Variants in OPCML observed in about 807,000 individuals in gnomAD.
OPCML encodes opioid binding protein/cell adhesion molecule like, also known as opioid-binding protein/cell adhesion molecule.
Under a neutral mutation model 37.8 loss-of-function variants are expected in OPCML, and 13 were observed. The ratio of observed to expected loss-of-function variants is 0.34; its 90% CI spans 0.22 to 0.55. The LOEUF (loss-of-function observed/expected upper bound fraction) is 0.55. Among genes scored for constraint, OPCML ranks in the 20% least tolerant of loss-of-function variants. The pLI, the probability that OPCML is intolerant of heterozygous loss-of-function variation, is 0.91. For missense variants in OPCML, 341 were observed against 435.6 expected, an observed-to-expected ratio of 0.78 and a Z score of 1.93; for synonymous variants, 176 against 168.8, an observed-to-expected ratio of 1.04 and a Z score of -0.33.
intron 1 of OPCML, among the ~76,000 whole-genome samples, chr11:133,303,784 CA>C (rs79299582): frequency 2.0e-5 from 3 of 149,318 alleles, no homozygotes; most frequent in South Asian, 2.1e-4. Context: ...TTTGTAGAAA[CA>C]AAAAAAAAGG....
At chr11:132,806,329 A>G (rs896643122) in intron 2 of OPCML, among the ~76,000 whole-genome samples, 8 of 152,158 alleles carry the variant, frequency 5.3e-5, no homozygotes, top group Admixed American at 6.5e-5. Context: ...AACAGACTGG[A>G]TAGAAAAACA....
chr11:132,748,116 A>G (rs1945702307), intron 2 of OPCML, among the ~76,000 whole-genome samples: 1 of 148,888 alleles, frequency 6.7e-6, no homozygotes, highest in Non-Finnish European at 1.5e-5. Context: ...TGAGCCTGAG[A>G]TTATTCAATA....
chr11:132,763,308 C>A (rs1487222958), intron 2 of OPCML, among the ~76,000 whole-genome samples: 1 of 151,622 alleles, frequency 6.6e-6, no homozygotes. Flanking sequence ...TTGATTAAGT[C>A]ATTTAATCTA....
intron 1 of OPCML, among the ~76,000 whole-genome samples, chr11:133,000,146 T>A (rs574190942): frequency 1.3e-5 from 2 of 152,258 alleles, no homozygotes; most frequent in South Asian, 4.1e-4. Flanking sequence ...AACCTCTGCC[T>A]CCCAGGTTCA....
chr11:132,940,428 C>T (rs1234825792), intron 2 of OPCML, among the ~76,000 whole-genome samples: 1 of 152,212 alleles, frequency 6.6e-6, no homozygotes, highest in Non-Finnish European at 1.5e-5. Context: ...GCTTGGAACA[C>T]TCAGTTCCCA....
chr11:132,663,752 C>G lies in OPCML; in HGVS notation c.147-6433G>C, dbSNP rs117573869. 5.2e-3 allele frequency among the ~76,000 whole-genome samples: 790 copies of G among 152,348 alleles called. 4 individuals are homozygous for G. The highest frequency in any genetic ancestry group is 8.2e-3 in the Non-Finnish European group (560 of 68,034). On this transcript the variant is annotated intron_variant, in intron 2 of 7. Coordinates refer to ENST00000524381, the MANE Select transcript of OPCML (RefSeq NM_001012393.5). ...GTTATCACAGGATGAGCGTGGAACC[C>G]AGAAGGGCAGGCCTTACAGCAGTCA... is the stretch of plus-strand genomic sequence containing the variant.
chr11:132,630,132 G>A (rs1591645273), intron 3 of OPCML, among the ~76,000 whole-genome samples: 3 of 152,298 alleles, frequency 2.0e-5, no homozygotes, highest in African/African-American at 4.8e-5. Flanking sequence ...CCTTTAAAAT[G>A]TTCTTATCCC....
chr11:132,765,676 G>A (rs1236533019), intron 2 of OPCML, among the ~76,000 whole-genome samples: 2 of 152,180 alleles, frequency 1.3e-5, no homozygotes, highest in African/African-American at 2.4e-5. Flanking sequence ...AGGAATATGA[G>A]TGTGATGGTG....
chr11:133,198,432 G>C (rs531427871), intron 1 of OPCML, among the ~76,000 whole-genome samples: 1 of 152,366 alleles, frequency 6.6e-6, no homozygotes, highest in African/African-American at 2.4e-5. Flanking sequence ...AAATGGCTCT[G>C]CTCTGCTCTA....
intron 2 of OPCML, among the ~76,000 whole-genome samples, chr11:132,792,892 C>T (rs1207590201): frequency 1.3e-5 from 2 of 152,202 alleles, no homozygotes; most frequent in Non-Finnish European, 2.9e-5. Context: ...CTGTCTAATC[C>T]CTACCTGATA....
intron 2 of OPCML, among the ~76,000 whole-genome samples, chr11:132,836,561 T>A (rs1056924905): frequency 2.6e-5 from 4 of 152,224 alleles, no homozygotes; most frequent in Non-Finnish European, 5.9e-5. Flanking sequence ...TTTAACCTCA[T>A]TGGATTATGA....
At chr11:133,405,941 C>G (rs1248904259) in intron 1 of OPCML, among the ~76,000 whole-genome samples, 1 of 152,074 alleles carries the variant, frequency 6.6e-6, no homozygotes, top group Non-Finnish European at 1.5e-5. Context: ...GGCCACTTAT[C>G]AAAAAAGAAA....
chr11:132,981,031 T>C (rs1461463492), intron 1 of OPCML, among the ~76,000 whole-genome samples: 1 of 152,164 alleles, frequency 6.6e-6, no homozygotes, highest in Non-Finnish European at 1.5e-5. Context: ...TGTAATACAA[T>C]GGTAAGTATT....
chr11:133,294,494 A>G (rs778252134), intron 1 of OPCML, among the ~76,000 whole-genome samples: 2 of 151,842 alleles, frequency 1.3e-5, no homozygotes, highest in Admixed American at 6.6e-5. Flanking sequence ...TCATTTGTTG[A>G]ACAAATATTT....
rs147317396 is a variant in OPCML, at chr11:133,525,996, G to A, written c.61+6268C>T. 3.4e-3 allele frequency among the ~76,000 whole-genome samples: 515 copies of A among 152,286 alleles called. 2 individuals carry two copies. Among genetic ancestry groups the A allele is most frequent in the African/African-American group, 0.012 (497 of 41,562 alleles). ...ACTTACCCAGCACATTGCCCAGGGG[G>A]TTCTCAAAGCATTTTGTAAACTTTT... On this transcript the variant is annotated intron_variant, in intron 1 of 7. Coordinates refer to ENST00000524381, the MANE Select transcript of OPCML (RefSeq NM_001012393.5).
chr11:132,461,057 C>T (rs758660885), intron 4 of OPCML, among the ~76,000 whole-genome samples: 1 of 152,086 alleles, frequency 6.6e-6, no homozygotes, highest in African/African-American at 2.4e-5. Flanking sequence ...CCTGAGGATA[C>T]TGAGTGAACC....
intron 1 of OPCML, among the ~76,000 whole-genome samples, chr11:133,148,887 A>G (rs190724272): frequency 2.0e-5 from 3 of 152,308 alleles, no homozygotes; most frequent in Non-Finnish European, 4.4e-5. Context: ...AGAGTGATGG[A>G]CTGGGCAGGC....
At chr11:132,516,945 G>A (rs1048156345) in intron 4 of OPCML, among the ~76,000 whole-genome samples, 7 of 152,064 alleles carry the variant, frequency 4.6e-5, no homozygotes, top group African/African-American at 1.7e-4. Context: ...CCAGCCACAA[G>A]TTCTTCAACC....
intron 4 of OPCML, among the ~76,000 whole-genome samples, chr11:132,437,757 T>C (rs1302481456): frequency 1.3e-5 from 2 of 152,242 alleles, no homozygotes; most frequent in African/African-American, 4.8e-5. Flanking sequence ...CTTTAGGGTA[T>C]GTTACTGTGG....
Sources: allele counts gnomAD v4.1 joint callset (sites outside exome capture counted in the v4.1 genomes callset), GRCh38; gene constraint gnomAD v4.1.1; transcripts MANE v1.5; gene names NCBI Gene and HGNC (gene_info 2026-07-23, HGNC 2026-07-21).